The following DAB2IP variants were observed in gnomAD, a reference collection of about 807,000 sequenced individuals.
DAB2IP encodes the protein DAB2 interacting protein.
In DAB2IP, 28 loss-of-function variants were observed where a neutral mutation model predicts 107.2. That is an observed-to-expected ratio of 0.26 (90% CI 0.19 to 0.36). The LOEUF is 0.36. DAB2IP is among the 10% of genes least tolerant of loss of function. The pLI is 1.00. For synonymous variants in DAB2IP, 755 were observed against 706.4 expected (o/e 1.07, Z -1.09); for missense variants, 1,400 against 1,644.7 (o/e 0.85, Z 2.57).
At chr9:121,567,390 G>A (rs1364445542) in intron 1 of DAB2IP, among the ~76,000 whole-genome samples, 3 of 152,190 alleles carry the variant, frequency 2.0e-5, no homozygotes, top group Admixed American at 2.0e-4. Flanking sequence ...GTTGGGCTAT[G>A]AGACTCAGGG....
At chr9:121,567,419 G>A (rs537953259) in intron 1 of DAB2IP, among the ~76,000 whole-genome samples, 4 of 152,286 alleles carry the variant, frequency 2.6e-5, no homozygotes, top group Admixed American at 6.5e-5. Context: ...TCCCTGGAGC[G>A]GGCAGCCCCT....
intron 1 of DAB2IP, among the ~76,000 whole-genome samples, chr9:121,654,695 T>C (rs865972311): frequency 6.6e-6 from 1 of 152,168 alleles, no homozygotes; most frequent in African/African-American, 2.4e-5. Context: ...CCCTGTGGCC[T>C]TTGAGCCAGT....
At chr9:121,586,967 A>T (rs1425784506) in intron 1 of DAB2IP, among the ~76,000 whole-genome samples, 2 of 152,220 alleles carry the variant, frequency 1.3e-5, no homozygotes, top group Non-Finnish European at 2.9e-5. Flanking sequence ...TGATTCAGCA[A>T]ACATGACTCT....
chr9:121,600,067 C>A (rs1269672969), intron 1 of DAB2IP, among the ~76,000 whole-genome samples: 1 of 151,952 alleles, frequency 6.6e-6, no homozygotes, highest in East Asian at 1.9e-4. Flanking sequence ...CAGGGGATCG[C>A]GAGGAAGGCG....
At chr9:121,749,697 A>G (rs892971521) in intron 3 of DAB2IP, among the ~76,000 whole-genome samples, 12 of 152,202 alleles carry the variant, frequency 7.9e-5, no homozygotes, top group African/African-American at 2.9e-4. Flanking sequence ...TTCTCCTTTC[A>G]TTTCGCCTCA....
At chr9:121,648,259 A>G (rs1317032541), upstream of DAB2IP, among the ~76,000 whole-genome samples, 1 of 152,206 alleles carries the variant, frequency 6.6e-6, no homozygotes, top group Non-Finnish European at 1.5e-5. Flanking sequence ...ACCTATGGAA[A>G]TAAAAAATTT....
intron 3 of DAB2IP, among the ~76,000 whole-genome samples, chr9:121,754,316 A>G (rs1444184435): frequency 2.6e-5 from 4 of 152,200 alleles, no homozygotes; most frequent in Non-Finnish European, 5.9e-5. Flanking sequence ...GGAAACGCAT[A>G]GGAACGTGAG....
chr9:121,641,995 TTCTCTCTC>T (rs71370683), intron 1 of DAB2IP, among the ~76,000 whole-genome samples: 55 of 34,992 alleles, frequency 1.6e-3, no homozygotes, highest in Admixed American at 2.9e-3. Flanking sequence ...TTTCTTTCCT[TTCTCTCTC>T]TCTCTCTCTC....
chr9:121,737,209 C>T (rs1212931673), intron 3 of DAB2IP: 3 of 985,304 alleles, frequency 3.0e-6, no homozygotes, highest in Non-Finnish European at 3.6e-6. Flanking sequence ...CCCAGAGGCC[C>T]CAGAGGGCGA....
chr9:121,725,774 G>A (rs1282241128), intron 3 of DAB2IP, among the ~76,000 whole-genome samples: 1 of 152,158 alleles, frequency 6.6e-6, no homozygotes, highest in East Asian at 1.9e-4. Flanking sequence ...CACTGGGCAC[G>A]GGGCGGCTAT....
intron 3 of DAB2IP, among the ~76,000 whole-genome samples, chr9:121,742,576 C>T (rs1468256287): frequency 6.6e-6 from 1 of 152,208 alleles, no homozygotes; most frequent in Non-Finnish European, 1.5e-5. Context: ...CCATCCCACT[C>T]CTATTCCAGT....
chr9:121,715,621 G>A (rs1218596418), intron 3 of DAB2IP, among the ~76,000 whole-genome samples: 1 of 152,030 alleles, frequency 6.6e-6, no homozygotes, highest in Non-Finnish European at 1.5e-5. Flanking sequence ...CCAAAGTGCT[G>A]GGATTACAGG....
intron 3 of DAB2IP, chr9:121,742,716 G>C: frequency 1.0e-6 from 1 of 985,636 alleles, no homozygotes; most frequent in Non-Finnish European, 1.2e-6. Context: ...TTGGTTCCCT[G>C]CACCTGCCTT....
At chr9:121,627,298 G>C (rs893010145) in intron 1 of DAB2IP, among the ~76,000 whole-genome samples, 2 of 151,884 alleles carry the variant, frequency 1.3e-5, no homozygotes, top group Admixed American at 1.3e-4. Context: ...CGGTCACACA[G>C]GATTCCATTT....
chr9:121,668,907 CTT>C lies in DAB2IP; in HGVS notation c.125-9747_125-9746del, dbSNP rs377320590. 8.8e-3 allele frequency among the ~76,000 whole-genome samples: 633 copies of C among 72,160 alleles called. 4 individuals are homozygous for C. The highest frequency in any genetic ancestry group is 0.03 in the African/African-American group (505 of 16,630). 47.3% of individuals were successfully genotyped at this position (72,160 alleles called of 152,430 possible). A position where few individuals can be genotyped will look rare whatever the true frequency, so the allele number is the denominator to read the frequency against. On this transcript the variant is annotated intron_variant, in intron 1 of 15. Transcript: ENST00000408936. ...CTTAAAGGGTCCATAGTAAGCCTTA[CTT>C]TTTTTTTTTTTTTTTTTTTTTTTGG...
chr9:121,575,878 G>A (rs1414045331), intron 1 of DAB2IP, among the ~76,000 whole-genome samples: 1 of 152,130 alleles, frequency 6.6e-6, no homozygotes, highest in African/African-American at 2.4e-5. Context: ...GGAACAAATA[G>A]CAAATGGCCA....
intron 1 of DAB2IP, among the ~76,000 whole-genome samples, chr9:121,670,295 A>T (rs1434246749): frequency 6.6e-6 from 1 of 152,162 alleles, no homozygotes; most frequent in Non-Finnish European, 1.5e-5. Context: ...TACTGTGTGT[A>T]TTTGTTTTCT....
At chr9:121,738,222 G>A (rs929617274) in intron 3 of DAB2IP, among the ~76,000 whole-genome samples, 1 of 152,146 alleles carries the variant, frequency 6.6e-6, no homozygotes, top group South Asian at 2.1e-4. Flanking sequence ...CAGGGCTAAT[G>A]AGGGCCTTTA....
rs1280186036 is a variant in DAB2IP, at chr9:121,662,820, G to A, written c.124+10921G>A. ...ATGGCAGAGAGGAGCAAACACATAT[G>A]GACACCCTGAGACCTCCTTAGTTTC... On this transcript the variant is annotated intron_variant, in intron 1 of 15. Coordinates refer to ENST00000408936, the Ensembl canonical transcript of DAB2IP. This position sits in a 1 kb window ranked among gnomAD's most constrained non-coding sequence, Gnocchi z 4.6. Among the ~76,000 whole-genome samples, 1 of 152,164 alleles carries A rather than the reference G, an allele frequency of 6.6e-6. No individual in the cohort carries two copies.
Sources: gnomAD v4.1 joint callset for allele counts (sites outside exome capture counted in the v4.1 genomes callset) on GRCh38, gnomAD v4.1.1 for gene constraint, Gnocchi (gnomAD v3.1) non-coding constraint, MANE v1.5 for transcripts, NCBI Gene and HGNC (gene_info 2026-07-23, HGNC 2026-07-21) for gene names.